The following BLOC1S6 variants were observed in gnomAD, a reference collection of about 807,000 sequenced individuals.
BLOC1S6 encodes the protein biogenesis of lysosome-related organelles complex 1 subunit 6.
BLOC1S6 carries 24 observed loss-of-function variants against 24.7 expected under a neutral mutation model. The observed-to-expected ratio is 0.97, with a 90% CI of 0.70 to 1.37. The LOEUF is 1.37. Ranked by LOEUF, BLOC1S6 falls within the 40% of genes most tolerant of loss-of-function variation. BLOC1S6 has a pLI of 0.00. For missense variants in BLOC1S6, 175 were observed against 196.2 expected, an observed-to-expected ratio of 0.89 and a Z score of 0.64; for synonymous variants, 76 against 72.6, an observed-to-expected ratio of 1.05 and a Z score of -0.23.
At chr15:45,600,784 A>G (rs1255996464) in intron 2 of BLOC1S6, among the ~76,000 whole-genome samples, 1 of 152,108 alleles carries the variant, frequency 6.6e-6, no homozygotes, top group Non-Finnish European at 1.5e-5. Context: ...TAATATCTTT[A>G]TCTGGTTTGG....
chr15:45,593,206 GAAACCC>G (rs1893946781), intron 2 of BLOC1S6, among the ~76,000 whole-genome samples: 1 of 151,576 alleles, frequency 6.6e-6, no homozygotes, highest in Non-Finnish European at 1.5e-5. Flanking sequence ...CCACCCTGGC[GAAACCC>G]TGTCTCTACT....
upstream of BLOC1S6, chr15:45,587,249 A>G (rs908151357): frequency 4.7e-6 from 3 of 635,074 alleles, no homozygotes; most frequent in Admixed American, 7.3e-5. Flanking sequence ...CGACGATATC[A>G]GCGCGGGGTC....
At chr15:45,587,697 G>T (rs1437396856) in intron 1 of BLOC1S6, 172 bp downstream of exon 1, 2 of 734,330 alleles carry the variant, frequency 2.7e-6, no homozygotes, top group African/African-American at 1.7e-5. Context: ...TCTGCCCAGC[G>T]CAATGGGCGG....
At position 45,605,505 on chromosome 15, in the gene BLOC1S6, A is replaced by G. The variant is rs1295445808; in HGVS notation, c.390A>G (p.Ser130=). ...TGCTGATGCTTCATGAAAAAACATC[A>G]AAGTTAAAAGTGAGTTGAAAATTCT... The part of the protein sequence containing the change: ...KEMLMLHEKT[S]KLKKRALKLQ... Residue 130 remains serine, a synonymous_variant, in exon 4 of 5, where the codon TCA becomes TCG. Transcript: ENST00000220531. 2 of 1,603,984 alleles carry G rather than the reference A, an allele frequency of 1.2e-6. No individual in the cohort carries two copies. The highest frequency in any genetic ancestry group is 1.1e-5 in the South Asian group (1 of 90,616).
chr15:45,590,854 G>A (rs1893858259), intron 1 of BLOC1S6, among the ~76,000 whole-genome samples: 2 of 152,128 alleles, frequency 1.3e-5, no homozygotes, highest in South Asian at 4.1e-4. Flanking sequence ...GAAGAGAGAT[G>A]TTTCAGAGTT....
rs1566905764 is a variant in BLOC1S6 at position 45,606,649 on chromosome 15, C to G, written c.*135C>G. On this transcript the variant is annotated 3_prime_UTR_variant, in exon 5 of 5. Transcript: ENST00000220531. ...TCCTTATTCCGGTATTACTGTGTCTCCATGCCTTTTTTCCAAGTAGCAGAC... is the reference window on the plus strand; with the variant it reads ...TCCTTATTCCGGTATTACTGTGTCTGCATGCCTTTTTTCCAAGTAGCAGAC... 1 of 1,264,660 alleles carries G rather than the reference C, an allele frequency of 7.9e-7. No individual in the cohort carries two copies. The highest frequency in any genetic ancestry group is 1.1e-6 in the Non-Finnish European group (1 of 882,196). The allele number at this position is 1,264,660 out of a possible 1,614,324, so 78.3% of individuals were successfully genotyped here.
intron 2 of BLOC1S6, among the ~76,000 whole-genome samples, chr15:45,602,031 C>T (rs1006699192): frequency 1.3e-5 from 2 of 152,178 alleles, no homozygotes; most frequent in South Asian, 4.1e-4. Context: ...CAGGTGTGTG[C>T]CACCACACCC....
rs758203697 is a variant in BLOC1S6, at chr15:45,587,573, C to T, written c.82+48C>T. On this transcript the variant is annotated intron_variant, in intron 1 of 4. Coordinates refer to ENST00000220531, the MANE Select transcript of BLOC1S6 (RefSeq NM_012388.4). The stretch of plus-strand genomic sequence containing the variant: ...CGCGGCCCGGGCTGGGTGTGAGGGG[C>T]GGGGACCTGAGTGAGTAGAACTCCG... 9.3e-6 allele frequency: 14 copies of T among 1,507,114 alleles called. No individual in the cohort carries two copies. The Admixed American group carries it at 2.0e-4, about 21-fold the overall frequency. The allele number at this position is 1,507,114 out of a possible 1,614,324, so 93.4% of individuals were successfully genotyped here.
chr15:45,600,486 A>C (rs1205942154), intron 2 of BLOC1S6, among the ~76,000 whole-genome samples: 1 of 152,104 alleles, frequency 6.6e-6, no homozygotes, highest in Non-Finnish European at 1.5e-5. Flanking sequence ...CTCTCTTCCT[A>C]GTTTGTTGAT....
chr15:45,605,454 C>T lies in BLOC1S6; in HGVS notation c.339C>T (p.Ala113=). 6.2e-7 allele frequency: 1 copy of T among 1,612,304 alleles called. No homozygotes were observed. Among genetic ancestry groups the T allele is most frequent in the East Asian group, 2.2e-5 (1 of 44,760 alleles). ...ALFAEAKHYH[A]KLVNIRKEML... The stretch of plus-strand genomic sequence containing the variant: ...TTGCTGAGGCTAAACACTATCATGC[C>T]AAGTTGGTGAATATAAGAAAAGAGA... The change falls in exon 4 of 5, where the codon GCC becomes GCT. Residue 113 remains alanine (A), a synonymous_variant. Coordinates refer to ENST00000220531, the MANE Select transcript of BLOC1S6 (RefSeq NM_012388.4).
chr15:45,606,632 C>A lies in BLOC1S6; in HGVS notation c.*118C>A. On this transcript the variant is annotated 3_prime_UTR_variant, in exon 5 of 5. Transcript: ENST00000220531. ...TATGTCATATGTTGAAATCCTTATT[C>A]CGGTATTACTGTGTCTCCATGCCTT... 7.0e-7 allele frequency: 1 copy of A among 1,421,320 alleles called. No individual in the cohort carries two copies. The highest frequency in any genetic ancestry group is 9.9e-7 in the Non-Finnish European group (1 of 1,010,710). 88.0% of individuals were successfully genotyped at this position (1,421,320 alleles called of 1,614,324 possible). A position where few individuals can be genotyped will look rare whatever the true frequency, so the allele number is the denominator to read the frequency against.
chr15:45,602,302 C>G, intron 2 of BLOC1S6: 1 of 613,664 alleles, frequency 1.6e-6, no homozygotes, highest in Non-Finnish European at 2.9e-6. Context: ...TTTTTTTTAT[C>G]ATTATTCTCT....
intron 2 of BLOC1S6, chr15:45,602,273 G>C (rs1894297460): frequency 1.6e-6 from 1 of 610,968 alleles, no homozygotes; most frequent in South Asian, 1.9e-5. Context: ...CCCTGAGCCT[G>C]TTCGTTGTTA....
intron 2 of BLOC1S6, chr15:45,599,478 A>C (rs1416348792): frequency 2.9e-5 from 4 of 136,008 alleles, no homozygotes; most frequent in Non-Finnish European, 6.0e-5. Context: ...GAACTCAAAC[A>C]AATTTACAAG....
Position 45,592,167 on chromosome 15 carries a change from A to G in BLOC1S6, c.115A>G (p.Ile39Val), listed in dbSNP as rs779791657. ...TGACACTTCTCCAGATGAAGGGTTA[A>G]TAGAGGACTTGACTATAGAAGACAA... The part of the protein sequence containing the change: ...LSDTSPDEGL[I>V]EDLTIEDKAV... Residue 39 changes from isoleucine to valine, a missense_variant, in exon 2 of 5, where the codon ATA becomes GTA. Transcript: ENST00000220531. 10 of 1,614,064 alleles carry G rather than the reference A, an allele frequency of 6.2e-6. No homozygotes were observed. Among genetic ancestry groups the G allele is most frequent in the Admixed American group, 1.7e-5 (1 of 60,004 alleles).
chr15:45,600,736 G>A (rs1894243370), intron 2 of BLOC1S6, among the ~76,000 whole-genome samples: 1 of 152,136 alleles, frequency 6.6e-6, no homozygotes, highest in African/African-American at 2.4e-5. Flanking sequence ...TTATATCGAT[G>A]TTCATGAGAG....
At chr15:45,605,545 A>T (rs757968867) in intron 4 of BLOC1S6, 31 bp downstream of exon 4, 52 of 1,474,960 alleles carry the variant, frequency 3.5e-5, no homozygotes, top group Non-Finnish European at 4.8e-5. Context: ...CATTCTTTAC[A>T]AAAGTAGAGG....
At chr15:45,595,165 G>A (rs2140907836) in intron 2 of BLOC1S6, among the ~76,000 whole-genome samples, 1 of 152,244 alleles carries the variant, frequency 6.6e-6, no homozygotes, top group Non-Finnish European at 1.5e-5. Flanking sequence ...GACAGAGTGA[G>A]ACCCTATCTC....
Position 45,607,726 on chromosome 15 carries a change from T to C in BLOC1S6, c.*1212T>C, listed in dbSNP as rs1894528166. ...AGGCAGAGGTTGCAGTAAGCCAAGATCGTGCCACTGCACTCCAGCCTTGGT... is the reference window on the plus strand; with the variant it reads ...AGGCAGAGGTTGCAGTAAGCCAAGACCGTGCCACTGCACTCCAGCCTTGGT... On this transcript the variant is annotated 3_prime_UTR_variant, in exon 5 of 5. Transcript: ENST00000220531. 1.3e-5 allele frequency: 2 copies of C among 152,108 alleles called. No individual in the cohort carries two copies. The highest frequency in any genetic ancestry group is 2.9e-5 in the Non-Finnish European group (2 of 68,070). 9.4% of individuals were successfully genotyped at this position (152,108 alleles called of 1,614,324 possible).
Sources: gnomAD v4.1 joint callset for allele counts (sites outside exome capture counted in the v4.1 genomes callset) on GRCh38, gnomAD v4.1.1 for gene constraint, MANE v1.5 for transcripts, NCBI Gene and HGNC (gene_info 2026-07-23, HGNC 2026-07-21) for gene names.